Variants in AGMO observed in about 807,000 individuals in gnomAD.
AGMO encodes alkylglycerol monooxygenase, also known as glyceryl-ether monooxygenase.
AGMO carries 75 observed loss-of-function variants against 60.2 expected under a neutral mutation model. That is an observed-to-expected ratio of 1.25 (90% CI 1.03 to 1.51). The LOEUF (loss-of-function observed/expected upper bound fraction) is 1.51. Ranked by LOEUF, AGMO falls within the 40% of genes most tolerant of loss-of-function variation. AGMO has a pLI of 0.00. For missense variants in AGMO, 763 were observed against 525.5 expected, an observed-to-expected ratio of 1.45 and a Z score of -4.42; for synonymous variants, 261 against 177.1, an observed-to-expected ratio of 1.47 and a Z score of -3.76.
intron 3 of AGMO, 123 bp downstream of exon 3, chr7:15,544,649 A>G: frequency 1.2e-6 from 1 of 859,070 alleles, no homozygotes. Flanking sequence ...ATTAATTTTT[A>G]TATCCGTAAA....
At chr7:15,490,322 T>A (rs996239250) in intron 3 of AGMO, among the ~76,000 whole-genome samples, 4 of 152,224 alleles carry the variant, frequency 2.6e-5, no homozygotes, top group African/African-American at 9.7e-5. Context: ...CAAAATGTTT[T>A]GGGATTTCCT....
intron 12 of AGMO, among the ~76,000 whole-genome samples, chr7:15,274,968 A>AT (rs915283363): frequency 2.3e-4 from 34 of 150,202 alleles, no homozygotes; most frequent in African/African-American, 6.6e-4. Flanking sequence ...TGGCCTATCG[A>AT]TTTTTTTTTA....
At chr7:15,517,134 G>A (rs972829735) in intron 3 of AGMO, among the ~76,000 whole-genome samples, 4 of 152,048 alleles carry the variant, frequency 2.6e-5, no homozygotes, top group African/African-American at 9.7e-5. Context: ...TTGAAAGTGT[G>A]TATTGTGCAT....
At chr7:15,161,517 T>C in the AGMO span, among the ~76,000 whole-genome samples, 1 of 151,658 alleles carries the variant, frequency 6.6e-6, no homozygotes, top group Non-Finnish European at 1.5e-5. Context: ...ATATATGTAT[T>C]AATGCATATA....
chr7:15,218,478 G>A (rs1309061882), intron 12 of AGMO, among the ~76,000 whole-genome samples: 2 of 151,568 alleles, frequency 1.3e-5, no homozygotes, highest in East Asian at 1.9e-4. Context: ...TGATTGCAAT[G>A]GACAGGAAGG....
chr7:15,350,020 T>G (rs925269746), intron 12 of AGMO, among the ~76,000 whole-genome samples: 1 of 152,140 alleles, frequency 6.6e-6, no homozygotes. Context: ...ATATCCCACA[T>G]CCAATATGGA....
At chr7:15,177,816 T>C in the AGMO span, among the ~76,000 whole-genome samples, 1 of 152,118 alleles carries the variant, frequency 6.6e-6, no homozygotes, top group Non-Finnish European at 1.5e-5. Context: ...AATTACATTG[T>C]CTACTATTTC....
chr7:15,415,285 C>T (rs1780732757), intron 5 of AGMO, among the ~76,000 whole-genome samples: 1 of 152,012 alleles, frequency 6.6e-6, no homozygotes. Flanking sequence ...AGGCTCACTC[C>T]TGTAATCCCA....
chr7:15,293,913 C>T (rs1397216005), intron 12 of AGMO, among the ~76,000 whole-genome samples: 1 of 152,012 alleles, frequency 6.6e-6, no homozygotes, highest in Non-Finnish European at 1.5e-5. Flanking sequence ...GGTGCAATAT[C>T]TCTGAAGAAA....
chr7:15,228,384 T>C (rs970694460), intron 12 of AGMO, among the ~76,000 whole-genome samples: 1 of 152,098 alleles, frequency 6.6e-6, no homozygotes, highest in Non-Finnish European at 1.5e-5. Context: ...ACAATCTTGC[T>C]AGCTATAGAG....
intron 10 of AGMO, among the ~76,000 whole-genome samples, chr7:15,377,091 G>A (rs891428400): frequency 6.6e-6 from 1 of 152,046 alleles, no homozygotes; most frequent in African/African-American, 2.4e-5. Context: ...GTGATTATTG[G>A]CTACAGTGAA....
chr7:15,282,905 T>C (rs1198879790), intron 12 of AGMO, among the ~76,000 whole-genome samples: 1 of 152,166 alleles, frequency 6.6e-6, no homozygotes, highest in African/African-American at 2.4e-5. Context: ...AGCAGAAACC[T>C]TACAAATCAG....
At chr7:15,358,038 C>G (rs10277659) in intron 12 of AGMO, among the ~76,000 whole-genome samples, 4,821 of 152,246 alleles carry the variant, frequency 0.032, 249 homozygotes, top group African/African-American at 0.11. Flanking sequence ...ACTGTTGAAT[C>G]TTCCTTCATT....
intron 12 of AGMO, among the ~76,000 whole-genome samples, chr7:15,280,787 G>A (rs570668384): frequency 1.6e-4 from 25 of 152,254 alleles, no homozygotes; most frequent in East Asian, 5.8e-4. Flanking sequence ...GGCTAAATAC[G>A]TGGTCCTGAG....
At chr7:15,455,695 T>C (rs1781983462) in intron 3 of AGMO, among the ~76,000 whole-genome samples, 1 of 152,144 alleles carries the variant, frequency 6.6e-6, no homozygotes, top group Admixed American at 6.5e-5. Flanking sequence ...AGGTTGGGAA[T>C]GATTTTCCTT....
intron 12 of AGMO, among the ~76,000 whole-genome samples, chr7:15,325,400 C>T (rs1443676447): frequency 6.6e-6 from 1 of 151,990 alleles, no homozygotes; most frequent in Non-Finnish European, 1.5e-5. Context: ...ATTATTTAAT[C>T]AGTGAGCGTT....
intron 12 of AGMO, among the ~76,000 whole-genome samples, chr7:15,214,225 T>C (rs1271329022): frequency 1.3e-5 from 2 of 151,872 alleles, no homozygotes; most frequent in East Asian, 3.9e-4. Flanking sequence ...AAGAGAAAAA[T>C]CACACTTTGG....
intron 3 of AGMO, among the ~76,000 whole-genome samples, chr7:15,520,878 G>C (rs780317538): frequency 3.3e-5 from 5 of 151,960 alleles, no homozygotes; most frequent in African/African-American, 9.7e-5. Flanking sequence ...ATAAAGACAT[G>C]ATAAATCCTT....
At chr7:15,480,565 G>T (rs1782722316) in intron 3 of AGMO, among the ~76,000 whole-genome samples, 1 of 152,122 alleles carries the variant, frequency 6.6e-6, no homozygotes, top group African/African-American at 2.4e-5. Context: ...AAATTGTCCT[G>T]ATGTTGCCTG....
Sources: gnomAD v4.1 joint callset for allele counts (sites outside exome capture counted in the v4.1 genomes callset) on GRCh38, gnomAD v4.1.1 for gene constraint, MANE v1.5 for transcripts, NCBI Gene and HGNC (gene_info 2026-07-23, HGNC 2026-07-21) for gene names.